PCLO: variants seen among roughly 807,000 people sequenced by gnomAD.
PCLO encodes the protein piccolo presynaptic cytomatrix protein.
Under a neutral mutation model 427.5 loss-of-function variants are expected in PCLO, and 82 were observed. That is an observed-to-expected ratio of 0.19 (90% CI 0.16 to 0.23). The LOEUF (loss-of-function observed/expected upper bound fraction) is 0.23, where lower values mean the gene tolerates loss of function less well. Among genes scored for constraint, PCLO ranks in the 10% least tolerant of loss-of-function variants. The pLI is 1.00. For missense variants in PCLO, 6,239 were observed against 6,115.9 expected, an observed-to-expected ratio of 1.02 and a Z score of -0.67; for synonymous variants, 2,357 against 2,155.4, an observed-to-expected ratio of 1.09 and a Z score of -2.59.
chr7:83,135,603 A>T lies in PCLO; in HGVS notation c.1947T>A (p.Asp649Glu). 6.2e-7 allele frequency: 1 copy of T among 1,612,292 alleles called. No individual in the cohort carries two copies. ...GGGGTGATGACGGAACTGGAGCCAG[A>T]TCCCCGCCTAGAGCTCTTTTCATTT... ...NCQMKRALGG[D>E]LAPVPSSPQP... The change falls in exon 3 of 25, where the codon GAT becomes GAA. Residue 649 changes from aspartate (D) to glutamate (E), a missense_variant. Transcript: ENST00000333891.
Position 83,024,456 on chromosome 7 carries a change from C to T in PCLO, c.3301-57969G>A, listed in dbSNP as rs182278689. Among the ~76,000 whole-genome samples the T allele has an allele frequency of 7.6e-4, 115 of 152,290 alleles. 2 individuals are homozygous for T. In the East Asian group the frequency reaches 0.02, roughly 26 times the overall value. On this transcript the variant is annotated intron_variant, in intron 3 of 24. Transcript: ENST00000333891. ...CCCGCACGTGGCTCGGAGGGTCCTA[C>T]GCCCACGGAGTCTCGCTGATTGCTA...
At chr7:83,101,770 C>G (rs1054291233) in intron 3 of PCLO, among the ~76,000 whole-genome samples, 1 of 152,078 alleles carries the variant, frequency 6.6e-6, no homozygotes, top group Admixed American at 6.6e-5. Flanking sequence ...AATCCTATCA[C>G]GCACTGCAAA....
At chr7:83,153,773 G>T (rs1321559034) in intron 2 of PCLO, among the ~76,000 whole-genome samples, 1 of 152,082 alleles carries the variant, frequency 6.6e-6, no homozygotes, top group Non-Finnish European at 1.5e-5. Flanking sequence ...GAAAGCCAAA[G>T]TCTGACTCTA....
chr7:82,997,000 A>G (rs530460246), intron 3 of PCLO, among the ~76,000 whole-genome samples: 7 of 152,158 alleles, frequency 4.6e-5, no homozygotes, highest in African/African-American at 1.7e-4. Flanking sequence ...CACTTTTGCC[A>G]TTTATGTCCA....
chr7:82,936,145 T>A (rs1324485334), intron 6 of PCLO, among the ~76,000 whole-genome samples: 1 of 151,286 alleles, frequency 6.6e-6, no homozygotes, highest in Non-Finnish European at 1.5e-5. Flanking sequence ...CTTGGAAGAG[T>A]CTCTAGATAG....
At position 82,964,889 on chromosome 7, in the gene PCLO, T is replaced by C. The variant is rs540203158; in HGVS notation, c.4017+882A>G. On this transcript the variant is annotated intron_variant, in intron 4 of 24. Coordinates refer to ENST00000333891, the MANE Select transcript of PCLO (RefSeq NM_033026.6). ...TGTTAAAACTGTAAAGAAAACACAA[T>C]TGAATCACAGTGAAACAAACTATAG... 9.8e-5 allele frequency among the ~76,000 whole-genome samples: 15 copies of C among 152,294 alleles called. No homozygotes were observed. In the South Asian group the frequency reaches 2.1e-3, roughly 21 times the overall value.
At chr7:82,822,223 G>T (rs1791810423) in intron 20 of PCLO, 1 of 1,306,550 alleles carries the variant, frequency 7.7e-7, no homozygotes, top group Non-Finnish European at 9.8e-7. Context: ...AAACATCACA[G>T]ACACTGTATC....
chr7:83,162,724 G>C lies in PCLO; in HGVS notation c.-132C>G, dbSNP rs1409432124. On this transcript the variant is annotated 5_prime_UTR_variant, in exon 1 of 25. Coordinates refer to ENST00000333891, the MANE Select transcript of PCLO (RefSeq NM_033026.6). ...CAGGCAGCCGAGTCCCTGGACTCTG[G>C]ACCAGGCACTGCCGCCCGGAACGCC... 33 of 1,209,526 alleles carry C rather than the reference G, an allele frequency of 2.7e-5. No homozygotes were observed. The highest frequency in any genetic ancestry group is 3.6e-5 in the Non-Finnish European group (32 of 895,944). 74.9% of individuals were successfully genotyped at this position (1,209,526 alleles called of 1,614,324 possible). A position where few individuals can be genotyped will look rare whatever the true frequency, so the allele number is the denominator to read the frequency against.
At chr7:83,011,085 A>G (rs1344291999) in intron 3 of PCLO, among the ~76,000 whole-genome samples, 1 of 152,000 alleles carries the variant, frequency 6.6e-6, no homozygotes, top group Non-Finnish European at 1.5e-5. Flanking sequence ...ATCTTTGTTA[A>G]TATCTTAGTG....
intron 6 of PCLO, among the ~76,000 whole-genome samples, chr7:82,930,631 T>G (rs1794819260): frequency 6.6e-6 from 1 of 152,178 alleles, no homozygotes; most frequent in Non-Finnish European, 1.5e-5. Context: ...CTCTGATTTC[T>G]TTGGTAGATA....
At chr7:82,991,830 C>A (rs1193450489) in intron 3 of PCLO, among the ~76,000 whole-genome samples, 1 of 152,234 alleles carries the variant, frequency 6.6e-6, no homozygotes, top group East Asian at 1.9e-4. Context: ...AGTACCAACA[C>A]CTGCTTAAAT....
chr7:82,782,722 ACT>A (rs1450757182), intron 22 of PCLO, among the ~76,000 whole-genome samples: 2 of 152,222 alleles, frequency 1.3e-5, no homozygotes, highest in Non-Finnish European at 2.9e-5. Flanking sequence ...ACTACGGTTC[ACT>A]GTTATGTTTT....
At chr7:83,131,901 A>G (rs562202742) in intron 3 of PCLO, among the ~76,000 whole-genome samples, 1 of 152,148 alleles carries the variant, frequency 6.6e-6, no homozygotes, top group Non-Finnish European at 1.5e-5. Context: ...TAGTATTTAC[A>G]GTTTGCTGGA....
chr7:83,055,440 T>C (rs886248928), intron 3 of PCLO, among the ~76,000 whole-genome samples: 2 of 152,156 alleles, frequency 1.3e-5, no homozygotes, highest in Non-Finnish European at 2.9e-5. Context: ...GACTCTATTT[T>C]AACCTTAAAA....
chr7:82,888,911 T>C (rs1793690299), intron 9 of PCLO, among the ~76,000 whole-genome samples: 1 of 152,150 alleles, frequency 6.6e-6, no homozygotes, highest in Non-Finnish European at 1.5e-5. Context: ...CGTAATTTTC[T>C]GGTAAAATCA....
At chr7:83,149,105 C>T (rs1439123786) in intron 2 of PCLO, among the ~76,000 whole-genome samples, 1 of 152,138 alleles carries the variant, frequency 6.6e-6, no homozygotes, top group Non-Finnish European at 1.5e-5. Context: ...GCAGGTCACC[C>T]TTTCATTTGT....
At chr7:83,005,841 T>C (rs1787933665) in intron 3 of PCLO, among the ~76,000 whole-genome samples, 1 of 151,614 alleles carries the variant, frequency 6.6e-6, no homozygotes, top group Non-Finnish European at 1.5e-5. Flanking sequence ...AAATTATCTA[T>C]TTAAATAAAA....
At chr7:82,846,280 TATTTAAAGAA>T in intron 12 of PCLO, among the ~76,000 whole-genome samples, 1 of 152,184 alleles carries the variant, frequency 6.6e-6, no homozygotes, top group Non-Finnish European at 1.5e-5. Context: ...GATGAATTCA[TATTTAAAGAA>T]TTAAAACTGT....
chr7:82,808,764 T>C (rs992362217), intron 20 of PCLO, among the ~76,000 whole-genome samples: 2 of 151,890 alleles, frequency 1.3e-5, no homozygotes, highest in African/African-American at 4.8e-5. Context: ...ATCTAGTTAT[T>C]TGGAGTTATC....
Sources: allele counts gnomAD v4.1 joint callset (sites outside exome capture counted in the v4.1 genomes callset), GRCh38; gene constraint gnomAD v4.1.1; transcripts MANE v1.5; gene names NCBI Gene and HGNC (gene_info 2026-07-23, HGNC 2026-07-21).